Variants in MMP3 observed in about 807,000 individuals in gnomAD.
The protein encoded by MMP3 is matrix metallopeptidase 3.
A neutral mutation model predicts 47.3 loss-of-function variants in MMP3; 46 were observed. That is an observed-to-expected ratio of 0.97 (90% CI 0.77 to 1.24). The LOEUF (loss-of-function observed/expected upper bound fraction) is 1.24. Ranked by LOEUF, MMP3 falls within the 50% of genes most tolerant of loss-of-function variation. The pLI, the probability that MMP3 is intolerant of heterozygous loss-of-function variation, is 0.00. For missense variants in MMP3, 558 were observed against 565.5 expected (o/e 0.99, Z 0.13); for synonymous variants, 216 against 206.5 (o/e 1.05, Z -0.39).
chr11:102,841,725 A>G (rs1432468629), intron 4 of MMP3, among the ~76,000 whole-genome samples: 2 of 152,054 alleles, frequency 1.3e-5, no homozygotes, highest in Non-Finnish European at 2.9e-5. Flanking sequence ...AAAAAAAAAA[A>G]AGAGAATCTC....
Position 102,835,934 on chromosome 11 carries a change from G to A in MMP3, c.*192C>T. The A allele has an allele frequency of 1.8e-6, 1 of 544,822 alleles. No homozygotes were observed. The highest frequency in any genetic ancestry group is 3.3e-6 in the Non-Finnish European group (1 of 303,382). The allele number at this position is 544,822 out of a possible 1,614,324, so 33.7% of individuals were successfully genotyped here. On this transcript the variant is annotated 3_prime_UTR_variant, in exon 10 of 10. Transcript: ENST00000299855. Reference sequence around the variant, plus strand: ...TATGTGACAAGGTGCAAGCTAAGCAGCAGCCCATTTGAATGCCCTGTAATA... The same window carrying A: ...TATGTGACAAGGTGCAAGCTAAGCAACAGCCCATTTGAATGCCCTGTAATA...
In MMP3 at chr11:102,838,581, GTT is replaced by G. The variant is rs782333977; in HGVS notation, c.1197_1198del (p.Lys399AsnfsTer13). 6.2e-7 allele frequency: 1 copy of G among 1,613,824 alleles called. No homozygotes were observed. Among genetic ancestry groups the G allele is most frequent in the South Asian group, 1.1e-5 (1 of 91,032 alleles). On this transcript the variant is annotated frameshift_variant, in exon 8 of 10. Coordinates refer to ENST00000299855, the MANE Select transcript of MMP3 (RefSeq NM_002422.5). LOFTEE classifies it high-confidence loss of function. Reference sequence around the variant, plus strand: ...GTATTTGTCCTCTACAAAGAAATATGTTTTGTTCTTTTCCTTATCAGAAATGG... The same window carrying G: ...GTATTTGTCCTCTACAAAGAAATATGTTGTTCTTTTCCTTATCAGAAATGG...
In MMP3 at chr11:102,842,893, G is replaced by C; in HGVS notation, c.129C>G (p.Asp43Glu). Reference sequence around the variant, plus strand: ...CAAACTGTTTCACATCTTTTTTGAGGTCGTAGTAGTTTTCTAGATATTTCT... The same window carrying C: ...CAAACTGTTTCACATCTTTTTTGAGCTCGTAGTAGTTTTCTAGATATTTCT... ...LVQKYLENYY[D>E]LKKDVKQFVR... The change falls in exon 2 of 10, where the codon GAC becomes GAG. Residue 43 changes from aspartate (D) to glutamate (E), a missense_variant. By Grantham distance (45) the Asp-to-Glu change is conservative. Transcript: ENST00000299855. 1 of 1,608,646 alleles carries C rather than the reference G, an allele frequency of 6.2e-7. No individual in the cohort carries two copies. The highest frequency in any genetic ancestry group is 8.5e-7 in the Non-Finnish European group (1 of 1,176,432).
chr11:102,840,662 G>T lies in MMP3; in HGVS notation c.626-69C>A. The stretch of plus-strand genomic sequence containing the variant: ...CATGTGCATTACACAGGTCTGCTGT[G>T]CATTGTATTGGTTTTTACTTCTTGG... On this transcript the variant is annotated intron_variant, in intron 4 of 9. Transcript: ENST00000299855. The T allele has an allele frequency of 3.3e-6, 5 of 1,514,078 alleles. No individual in the cohort carries two copies. The Admixed American group carries it at 5.9e-5, about 18-fold the overall frequency. 93.8% of individuals were successfully genotyped at this position (1,514,078 alleles called of 1,614,324 possible).
chr11:102,842,474 C>T lies in MMP3; in HGVS notation c.456G>A (p.Leu152=), dbSNP rs553563916. The change falls in exon 3 of 10, where the codon CTG becomes CTA. Residue 152 remains leucine (L), a synonymous_variant. Transcript: ENST00000299855. The stretch of plus-strand genomic sequence containing the variant: ...TCATTATATCAGCCTCTCCTTCATA[C>T]AGCCTGGAGAATGTGAGTGGAGTCA... ...EEVTPLTFSR[L]YEGEADIMIS... 9.3e-6 allele frequency: 13 copies of T among 1,395,028 alleles called. No individual in the cohort carries two copies. The South Asian group carries it at 1.0e-4, about 11-fold the overall frequency. The allele number at this position is 1,395,028 out of a possible 1,614,324, so 86.4% of individuals were successfully genotyped here. A position where few individuals can be genotyped will look rare whatever the true frequency, so the allele number is the denominator to read the frequency against.
In MMP3 at chr11:102,837,162, T is replaced by A; in HGVS notation, c.1333+136A>T. ...AGTAGTTCTATAATGAGTACAAATG[T>A]AGGCGAATCAAAATTTTGAGAAGGG... On this transcript the variant is annotated intron_variant, in intron 9 of 9. Transcript: ENST00000299855. The surrounding 1 kb of genome is among the most constrained non-coding windows in gnomAD (Gnocchi z 4.4). 1.6e-6 allele frequency: 1 copy of A among 635,638 alleles called. No individual in the cohort carries two copies. Among genetic ancestry groups the A allele is most frequent in the Middle Eastern group, 2.7e-4 (1 of 3,668 alleles). The allele number at this position is 635,638 out of a possible 1,614,324, so 39.4% of individuals were successfully genotyped here. A position where few individuals can be genotyped will look rare whatever the true frequency, so the allele number is the denominator to read the frequency against.
chr11:102,840,720 G>T, intron 4 of MMP3, 127 bp from the exon 5 acceptor site: 4 of 909,672 alleles, frequency 4.4e-6, no homozygotes, highest in Non-Finnish European at 6.5e-6. Flanking sequence ...CTTGTTTGTT[G>T]GTTAATTGAA....
chr11:102,842,404 C>CTTTTTTTTTTTTT lies in MMP3; in HGVS notation c.499+14_499+26dup, dbSNP rs11418340. The CTTTTTTTTTTTTT allele has an allele frequency of 1.5e-4, 125 of 813,326 alleles. 4 individuals carry two copies. The highest frequency in any genetic ancestry group is 5.0e-4 in the South Asian group (18 of 36,124). 50.4% of individuals were successfully genotyped at this position (813,326 alleles called of 1,614,324 possible). ...GTGTTTTTTGTTTTGTTTTGTTTTGCTTTTTTTTTTTTTTTTTTTTTTTTA... is the reference window on the plus strand; with the variant it reads ...GTGTTTTTTGTTTTGTTTTGTTTTGCTTTTTTTTTTTTTTTTTTTTTTTTTTTTTTTTTTTTTA... On this transcript the variant is annotated intron_variant, in intron 3 of 9. Coordinates refer to ENST00000299855, the MANE Select transcript of MMP3 (RefSeq NM_002422.5).
In MMP3 at chr11:102,837,376, C is replaced by G. The variant is rs1555004751; in HGVS notation, c.1255G>C (p.Glu419Gln). 2.5e-6 allele frequency: 4 copies of G among 1,613,858 alleles called. No individual in the cohort carries two copies. Among genetic ancestry groups the G allele is most frequent in the Non-Finnish European group, 3.4e-6 (4 of 1,179,912 alleles). The change falls in exon 9 of 10, where the codon GAG (glutamate) becomes CAG (glutamine). Residue 419 changes from glutamate (E) to glutamine (Q), a missense_variant. Transcript: ENST00000299855. The surrounding 1 kb of genome is among the most constrained non-coding windows in gnomAD (Gnocchi z 4.4). ...WRFDEKRNSM[E>Q]PGFPKQIAED... ...GCTATTTGCTTGGGAAAGCCTGGCT[C>G]CATGGAATTTCTCTTCTCATCAAAT... is the stretch of plus-strand genomic sequence containing the variant.
intron 1 of MMP3, 29 bp from the exon 2 acceptor site, chr11:102,842,945 ACT>A: frequency 6.5e-7 from 1 of 1,529,820 alleles, no homozygotes; most frequent in Non-Finnish European, 8.8e-7. Context: ...TTTTTAGGTC[ACT>A]CTTACAATTT....
chr11:102,840,738 C>T (rs1858983035), intron 4 of MMP3, 145 bp from the exon 5 acceptor site: 1 of 754,398 alleles, frequency 1.3e-6, no homozygotes, highest in Non-Finnish European at 2.1e-6. Context: ...GAACAATTGA[C>T]TAATTACACA....
chr11:102,839,146 C>A lies in MMP3; in HGVS notation c.1033G>T (p.Glu345Ter). ...SLPSGVDAAY[E>*]VTSKDLVFIF... Reference sequence around the variant, plus strand: ...AAAACGAGGTCCTTGCTAGTAACTTCATATGCGGCATCCACGCCTGAAGGA... The same window carrying A: ...AAAACGAGGTCCTTGCTAGTAACTTAATATGCGGCATCCACGCCTGAAGGA... The change falls in exon 7 of 10, where the codon GAA (glutamate) becomes TAA (stop). Residue 345 changes from glutamate (E) to a stop codon, truncating the protein, a stop_gained. Transcript: ENST00000299855. LOFTEE classifies it high-confidence loss of function. 6.2e-7 allele frequency: 1 copy of A among 1,614,126 alleles called. No homozygotes were observed. Among genetic ancestry groups the A allele is most frequent in the African/African-American group, 1.3e-5 (1 of 75,056 alleles).
chr11:102,840,559 A>G lies in MMP3; in HGVS notation c.660T>C (p.Ile220=), dbSNP rs781968885. The part of the protein sequence containing the change: ...TNLFLVAAHE[I]GHSLGLFHSA... ...AGTGAAAGAGACCCAGGGAGTGGCC[A>G]ATTTCATGAGCAGCAACGAGAAATA... The change falls in exon 5 of 10, where the codon ATT becomes ATC. Residue 220 remains isoleucine, a synonymous_variant. Transcript: ENST00000299855. The G allele has an allele frequency of 3.5e-5, 56 of 1,613,704 alleles. No individual in the cohort carries two copies. Among genetic ancestry groups the G allele is most frequent in the Non-Finnish European group, 4.7e-5 (55 of 1,179,974 alleles).
At position 102,839,141 on chromosome 11, in the gene MMP3, A is replaced by G; in HGVS notation, c.1038T>C (p.Val346=). 1 of 1,614,024 alleles carries G rather than the reference A, an allele frequency of 6.2e-7. No homozygotes were observed. Among genetic ancestry groups the G allele is most frequent in the African/African-American group, 1.3e-5 (1 of 75,044 alleles). ...AAATGAAAACGAGGTCCTTGCTAGT[A>G]ACTTCATATGCGGCATCCACGCCTG... ...LPSGVDAAYE[V]TSKDLVFIFK... Residue 346 remains valine, a synonymous_variant, in exon 7 of 10, where the codon GTT becomes GTC. Coordinates refer to ENST00000299855, the MANE Select transcript of MMP3 (RefSeq NM_002422.5).
In MMP3 at chr11:102,842,226, A is replaced by C. The variant is rs1859010534; in HGVS notation, c.553T>G (p.Tyr185Asp). 1.2e-6 allele frequency: 2 copies of C among 1,612,386 alleles called. No individual in the cohort carries two copies. The highest frequency in any genetic ancestry group is 1.7e-5 in the Admixed American group (1 of 59,688). Residue 185 changes from tyrosine (Y) to aspartate (D), a missense_variant, in exon 4 of 10, where the codon TAT becomes GAT. Coordinates refer to ENST00000299855, the MANE Select transcript of MMP3 (RefSeq NM_002422.5). ...CCATTAATCCCTGGCCCAGGGGCAT[A>C]GGCATGGGCCAAAACATTTCCAGGT... ...DGPGNVLAHA[Y>D]APGPGINGDA...
chr11:102,842,309 A>T (rs782037194), intron 3 of MMP3, 30 bp from the exon 4 acceptor site: 1 of 1,590,462 alleles, frequency 6.3e-7, no homozygotes. Flanking sequence ...TTGGAAAGAT[A>T]TGTAACAAGG....
At position 102,840,225 on chromosome 11, in the gene MMP3, G is replaced by C; in HGVS notation, c.818C>G (p.Pro273Arg). The C allele has an allele frequency of 6.2e-7, 1 of 1,613,982 alleles. No individual in the cohort carries two copies. The highest frequency in any genetic ancestry group is 8.5e-7 in the Non-Finnish European group (1 of 1,179,958). The change falls in exon 6 of 10, where the codon CCC (proline) becomes CGC (arginine). Residue 273 changes from proline (P) to arginine (R), a missense_variant. Pro to Arg is a moderately radical substitution (Grantham distance 103). Transcript: ENST00000299855. ...YGPPPDSPET[P>R]LVPTEPVPPE... is the part of the protein sequence containing the mutation. ...AGGGACAGGTTCCGTGGGTACCAGG[G>C]GGGTCTCAGGGGAGTCAGGGGGAGG...
chr11:102,837,708 G>A lies in MMP3; in HGVS notation c.1230-307C>T, dbSNP rs1285301381. Among the ~76,000 whole-genome samples, 1 of 152,050 alleles carries A rather than the reference G, an allele frequency of 6.6e-6. No individual in the cohort carries two copies. Among genetic ancestry groups the A allele is most frequent in the Non-Finnish European group, 1.5e-5 (1 of 68,018 alleles). ...TTCTGTCACAAAGACATGAAAGTGT[G>A]AACATATATATAAAGTGAATTGAAT... On this transcript the variant is annotated intron_variant, in intron 8 of 9. Coordinates refer to ENST00000299855, the MANE Select transcript of MMP3 (RefSeq NM_002422.5). The surrounding 1 kb of genome is among the most constrained non-coding windows in gnomAD (Gnocchi z 4.4).
Position 102,842,140 on chromosome 11 carries a change from G to T in MMP3, c.625+14C>A. On this transcript the variant is annotated intron_variant, in intron 4 of 9. Coordinates refer to ENST00000299855, the MANE Select transcript of MMP3 (RefSeq NM_002422.5). ...AATTAATGCCAAAATCATTCTGAGA[G>T]ATGTGTAACTAACCTGTTGTATCCT... is the stretch of plus-strand genomic sequence containing the variant. 6.5e-7 allele frequency: 1 copy of T among 1,535,714 alleles called. No homozygotes were observed. The highest frequency in any genetic ancestry group is 8.7e-7 in the Non-Finnish European group (1 of 1,143,228).
Sources: gnomAD v4.1 joint callset for allele counts (sites outside exome capture counted in the v4.1 genomes callset) on GRCh38, gnomAD v4.1.1 for gene constraint, Gnocchi (gnomAD v3.1) non-coding constraint, MANE v1.5 for transcripts, NCBI Gene and HGNC (gene_info 2026-07-23, HGNC 2026-07-21) for gene names.